Variants in KCNAB1 observed in about 807,000 individuals in gnomAD.
KCNAB1 encodes the protein potassium voltage-gated channel subfamily A regulatory beta subunit 1.
KCNAB1 carries 35 observed loss-of-function variants against 64.6 expected under a neutral mutation model. The ratio of observed to expected loss-of-function variants is 0.54; its 90% CI spans 0.41 to 0.72. The LOEUF (loss-of-function observed/expected upper bound fraction) is 0.72, where lower values mean the gene tolerates loss of function less well. KCNAB1 is among the 30% of genes least tolerant of loss of function. KCNAB1 has a pLI of 0.00. For synonymous variants in KCNAB1, 177 were observed against 183.8 expected, an observed-to-expected ratio of 0.96 and a Z score of 0.30; for missense variants, 401 against 512.9, an observed-to-expected ratio of 0.78 and a Z score of 2.11.
intron 1 of KCNAB1, among the ~76,000 whole-genome samples, chr3:156,394,978 T>C (rs1713317284): frequency 6.6e-6 from 1 of 152,224 alleles, no homozygotes. Context: ...ACTTCTAAAA[T>C]GCAGGCTCTT....
upstream of KCNAB1, among the ~76,000 whole-genome samples, chr3:156,120,253 T>C (rs1344562940): frequency 6.6e-6 from 1 of 152,182 alleles, no homozygotes; most frequent in Non-Finnish European, 1.5e-5. Context: ...CGAATGTAAT[T>C]TACCAAACCT....
chr3:156,255,281 A>G (rs1718038379), intron 1 of KCNAB1, among the ~76,000 whole-genome samples: 1 of 152,216 alleles, frequency 6.6e-6, no homozygotes, highest in South Asian at 2.1e-4. Context: ...TAATATCATT[A>G]GGTTGAAGTG....
intron 1 of KCNAB1, among the ~76,000 whole-genome samples, chr3:156,420,944 T>C (rs1715422122): frequency 6.6e-6 from 1 of 150,476 alleles, no homozygotes; most frequent in Non-Finnish European, 1.5e-5. Flanking sequence ...ATTAAATATA[T>C]ATACACACAC....
intron 11 of KCNAB1, among the ~76,000 whole-genome samples, chr3:156,520,710 T>C (rs1395094567): frequency 6.6e-6 from 1 of 152,230 alleles, no homozygotes; most frequent in Non-Finnish European, 1.5e-5. Context: ...CTAAGCATAT[T>C]GTACATTATG....
intron 1 of KCNAB1, among the ~76,000 whole-genome samples, chr3:156,212,743 C>G (rs1715089605): frequency 6.6e-6 from 1 of 152,090 alleles, no homozygotes; most frequent in African/African-American, 2.4e-5. Context: ...GGCAGAGGAA[C>G]TGCAAGGAAG....
chr3:156,375,946 A>C (rs2108136395), intron 1 of KCNAB1, among the ~76,000 whole-genome samples: 1 of 152,286 alleles, frequency 6.6e-6, no homozygotes, highest in East Asian at 1.9e-4. Flanking sequence ...CAGCCTCCCA[A>C]GTAGCTGGGA....
chr3:156,470,479 G>A (rs1713803330), intron 7 of KCNAB1, among the ~76,000 whole-genome samples: 1 of 152,210 alleles, frequency 6.6e-6, no homozygotes, highest in Admixed American at 6.5e-5. Context: ...ATCATAGTGA[G>A]ACCCTTGTCT....
intron 11 of KCNAB1, among the ~76,000 whole-genome samples, chr3:156,522,755 G>A (rs978549960): frequency 6.6e-6 from 1 of 152,200 alleles, no homozygotes; most frequent in African/African-American, 2.4e-5. Context: ...AATCATGTGG[G>A]TGCAGTGTCC....
At chr3:156,232,316 T>G (rs561388025) in intron 1 of KCNAB1, among the ~76,000 whole-genome samples, 7 of 152,220 alleles carry the variant, frequency 4.6e-5, no homozygotes, top group Non-Finnish European at 1.0e-4. Context: ...GATCAAACTA[T>G]ACTGAATTCT....
chr3:156,349,368 C>T (rs1724707437), intron 1 of KCNAB1, among the ~76,000 whole-genome samples: 1 of 152,162 alleles, frequency 6.6e-6, no homozygotes, highest in Non-Finnish European at 1.5e-5. Flanking sequence ...AGTACAACTC[C>T]CAGAGGAGGT....
chr3:156,132,922 G>GTA (rs1053377506), intron 1 of KCNAB1, among the ~76,000 whole-genome samples: 4 of 152,150 alleles, frequency 2.6e-5, no homozygotes, highest in Non-Finnish European at 4.4e-5. Flanking sequence ...CTCAGTCAAG[G>GTA]TATATATACA....
rs1423861162 is a variant in KCNAB1, at chr3:156,120,756, C to T, written c.145C>T (p.Pro49Ser). 2.5e-6 allele frequency: 4 copies of T among 1,613,900 alleles called. No homozygotes were observed. The highest frequency in any genetic ancestry group is 2.2e-5 in the East Asian group (1 of 44,878). ...SENAKDSSLS[P>S]SGESQLRARQ... ...AAACGCTAAAGACAGCAGCCTTAGT[C>T]CCTCAGGGGAAAGCCAGCTCAGGGC... is the stretch of plus-strand genomic sequence containing the variant. Residue 49 changes from proline to serine, a missense_variant, in exon 1 of 14, where the codon CCC (proline) becomes TCC (serine). Physicochemically the swap from Pro to Ser is moderately conservative, Grantham distance 74. Transcript: ENST00000490337.
chr3:156,446,977 C>A (rs1364224802), intron 2 of KCNAB1: 1 of 151,524 alleles, frequency 6.6e-6, no homozygotes, highest in Non-Finnish European at 1.5e-5. Context: ...CCCCCATGAA[C>A]CTCACCTTCT....
chr3:156,519,544 C>A (rs1221087236), intron 11 of KCNAB1, among the ~76,000 whole-genome samples: 2 of 152,166 alleles, frequency 1.3e-5, no homozygotes, highest in African/African-American at 2.4e-5. Context: ...CTCTATTATT[C>A]CACGAACACT....
At chr3:156,484,090 AAAG>A (rs1347734230) in intron 8 of KCNAB1, among the ~76,000 whole-genome samples, 2 of 152,256 alleles carry the variant, frequency 1.3e-5, no homozygotes, top group South Asian at 2.1e-4. Flanking sequence ...GGAAGATTCT[AAAG>A]AAGGATATGC....
chr3:156,489,828 A>C (rs1715506280), intron 8 of KCNAB1, among the ~76,000 whole-genome samples: 1 of 152,122 alleles, frequency 6.6e-6, no homozygotes, highest in Admixed American at 6.6e-5. Flanking sequence ...GTGCCTGCAG[A>C]TGAGTAACAA....
At chr3:156,536,110 A>G (rs1188909567) in intron 13 of KCNAB1, among the ~76,000 whole-genome samples, 5 of 152,216 alleles carry the variant, frequency 3.3e-5, no homozygotes, top group Non-Finnish European at 7.3e-5. Flanking sequence ...ACCAGTCAGA[A>G]TAAATCTCTC....
intron 1 of KCNAB1, among the ~76,000 whole-genome samples, chr3:156,150,514 ATACAAG>A (rs1242665873): frequency 6.6e-6 from 1 of 152,182 alleles, no homozygotes; most frequent in African/African-American, 2.4e-5. Context: ...GCTTTCTTAT[ATACAAG>A]TTGTTGACAG....
intron 1 of KCNAB1, among the ~76,000 whole-genome samples, chr3:156,244,065 G>A (rs562765301): frequency 2.0e-5 from 3 of 152,208 alleles, no homozygotes; most frequent in South Asian, 2.1e-4. Context: ...CATGCTTTAA[G>A]TTGTTGTAGG....
Sources: allele counts gnomAD v4.1 joint callset (sites outside exome capture counted in the v4.1 genomes callset), GRCh38; gene constraint gnomAD v4.1.1; transcripts MANE v1.5; gene names NCBI Gene and HGNC (gene_info 2026-07-23, HGNC 2026-07-21).